The following HS3ST5 variants were observed in gnomAD, a reference collection of about 807,000 sequenced individuals.
HS3ST5 encodes the protein heparan sulfate-glucosamine 3-sulfotransferase 5.
HS3ST5 carries 10 observed loss-of-function variants against 25.4 expected under a neutral mutation model. The observed-to-expected ratio is 0.39, with a 90% CI of 0.24 to 0.67. The LOEUF (loss-of-function observed/expected upper bound fraction) is 0.67, where lower values mean the gene tolerates loss of function less well. Among genes scored for constraint, HS3ST5 ranks in the 30% least tolerant of loss-of-function variants. The pLI, the probability that HS3ST5 is intolerant of heterozygous loss-of-function variation, is 0.44. For missense variants in HS3ST5, 324 were observed against 420.7 expected, an observed-to-expected ratio of 0.77 and a Z score of 2.01; for synonymous variants, 170 against 162.4, an observed-to-expected ratio of 1.05 and a Z score of -0.36.
rs560396137 is a variant in HS3ST5 at position 114,188,784 on chromosome 6, G to C, written c.-144-20322C>G. On this transcript the variant is annotated intron_variant, in intron 2 of 4. Coordinates refer to ENST00000312719, the MANE Select transcript of HS3ST5 (RefSeq NM_153612.4). The stretch of plus-strand genomic sequence containing the variant: ...TCATCCTATTCTCTCAGTATAATTG[G>C]GTCAGTAGTGATTATTATAACTATT... 1.2e-3 allele frequency among the ~76,000 whole-genome samples: 175 copies of C among 152,074 alleles called. 1 individual carries two copies. The highest frequency in any genetic ancestry group is 0.01 in the Middle Eastern group (3 of 294).
intron 1 of HS3ST5, among the ~76,000 whole-genome samples, chr6:114,322,848 G>A (rs905771514): frequency 6.6e-6 from 1 of 152,096 alleles, no homozygotes; most frequent in South Asian, 2.1e-4. Flanking sequence ...ATCTCCACCC[G>A]GGGGTAGGAA....
Position 114,058,062 on chromosome 6 carries a change from T to C in HS3ST5, c.236A>G (p.Glu79Gly), listed in dbSNP as rs370563140. 16 of 1,614,172 alleles carry C rather than the reference T, an allele frequency of 9.9e-6. No homozygotes were observed. In the East Asian group the frequency reaches 3.1e-4, roughly 31 times the overall value. ...HEFRKGNASK[E>G]QVRLHDLVQQ... ...GACCAGGTCATGGAGGCGAACCTGC[T>C]CCTTGGAAGCGTTGCCCTTCCGGAA... The change falls in exon 5 of 5, where the codon GAG becomes GGG. Residue 79 changes from glutamate to glycine, a missense_variant. Physicochemically the swap from Glu to Gly is moderately conservative, Grantham distance 98. Transcript: ENST00000312719.
chr6:114,211,597 T>C (rs1425722286), intron 2 of HS3ST5, among the ~76,000 whole-genome samples: 1 of 152,262 alleles, frequency 6.6e-6, no homozygotes, highest in Admixed American at 6.5e-5. Flanking sequence ...AATTATGCCA[T>C]ATTCTATTAA....
At chr6:114,236,351 T>A (rs943111860) in intron 1 of HS3ST5, among the ~76,000 whole-genome samples, 1 of 152,226 alleles carries the variant, frequency 6.6e-6, no homozygotes, top group Non-Finnish European at 1.5e-5. Context: ...TATATCGTTA[T>A]TGAATAATTG....
intron 3 of HS3ST5, chr6:114,084,495 G>A (rs1013294147): frequency 5.3e-6 from 4 of 758,344 alleles, no homozygotes; most frequent in Non-Finnish European, 9.7e-6. Flanking sequence ...GGGAAATGGT[G>A]CCACGCATGC....
At chr6:114,117,116 A>C (rs1776569167) in intron 3 of HS3ST5, among the ~76,000 whole-genome samples, 1 of 152,142 alleles carries the variant, frequency 6.6e-6, no homozygotes, top group South Asian at 2.1e-4. Flanking sequence ...GGTGGAAAAT[A>C]ACTAATTAAT....
At chr6:114,085,513 G>A (rs1774747604) in intron 3 of HS3ST5, among the ~76,000 whole-genome samples, 1 of 152,122 alleles carries the variant, frequency 6.6e-6, no homozygotes, top group African/African-American at 2.4e-5. Flanking sequence ...TCTTACATTG[G>A]CAGTATAGCT....
intron 2 of HS3ST5, among the ~76,000 whole-genome samples, chr6:114,183,672 A>T (rs1171701560): frequency 6.6e-6 from 1 of 152,234 alleles, no homozygotes; most frequent in African/African-American, 2.4e-5. Context: ...AAGTAGAGGT[A>T]GGAAGAATTC....
intron 1 of HS3ST5, among the ~76,000 whole-genome samples, chr6:114,328,099 T>A (rs1776243324): frequency 1.3e-5 from 2 of 152,160 alleles, no homozygotes; most frequent in Admixed American, 1.3e-4. Context: ...TGCAATCAAT[T>A]GTAAAATTTA....
At chr6:114,278,916 G>T (rs573710710) in intron 1 of HS3ST5, among the ~76,000 whole-genome samples, 2 of 152,106 alleles carry the variant, frequency 1.3e-5, no homozygotes, top group South Asian at 2.1e-4. Flanking sequence ...CTCAGGAAAA[G>T]CTCCCAAGCT....
chr6:114,295,976 T>C (rs1022481193), intron 1 of HS3ST5, among the ~76,000 whole-genome samples: 5 of 152,176 alleles, frequency 3.3e-5, no homozygotes, highest in Non-Finnish European at 5.9e-5. Flanking sequence ...GAATCTATGC[T>C]TCAAGTAGCT....
chr6:114,235,371 T>A (rs1238605730), intron 1 of HS3ST5, among the ~76,000 whole-genome samples: 1 of 151,150 alleles, frequency 6.6e-6, no homozygotes, highest in African/African-American at 2.4e-5. Flanking sequence ...TAATATTGTA[T>A]GATAAGAACT....
chr6:114,328,217 G>GGAAGGAAA (rs1267134864), intron 1 of HS3ST5, among the ~76,000 whole-genome samples: 2 of 150,174 alleles, frequency 1.3e-5, no homozygotes, highest in East Asian at 2.1e-4. Context: ...AGTGAAAAAA[G>GGAAGGAAA]GAAGGAAAGA....
chr6:114,288,214 A>G (rs1774421544), intron 1 of HS3ST5, among the ~76,000 whole-genome samples: 1 of 152,126 alleles, frequency 6.6e-6, no homozygotes, highest in East Asian at 1.9e-4. Flanking sequence ...TTGATAGAGT[A>G]ATCTTTTCCT....
intron 2 of HS3ST5, among the ~76,000 whole-genome samples, chr6:114,169,888 T>C (rs757546868): frequency 2.0e-5 from 3 of 152,088 alleles, no homozygotes; most frequent in African/African-American, 4.8e-5. Flanking sequence ...GAACAAAACA[T>C]GCAAACTTGC....
chr6:114,127,802 C>T (rs916859873), intron 3 of HS3ST5, among the ~76,000 whole-genome samples: 5 of 151,180 alleles, frequency 3.3e-5, no homozygotes, highest in Non-Finnish European at 5.9e-5. Context: ...ATCTTGAATA[C>T]ATTATGCTAA....
chr6:114,105,648 T>C (rs1775954339), intron 3 of HS3ST5, among the ~76,000 whole-genome samples: 1 of 152,174 alleles, frequency 6.6e-6, no homozygotes, highest in South Asian at 2.1e-4. Flanking sequence ...GGACTTCTTA[T>C]TCTTGTGGTC....
chr6:114,326,856 A>G (rs1447522165), intron 1 of HS3ST5, among the ~76,000 whole-genome samples: 1 of 152,200 alleles, frequency 6.6e-6, no homozygotes, highest in Non-Finnish European at 1.5e-5. Context: ...TCTAAAGCAC[A>G]AAATAAAAAT....
intron 2 of HS3ST5, among the ~76,000 whole-genome samples, chr6:114,194,635 A>G (rs1247169366): frequency 6.6e-6 from 1 of 152,170 alleles, no homozygotes; most frequent in Non-Finnish European, 1.5e-5. Flanking sequence ...GAGGATACAC[A>G]GTGAGGGTTT....
Sources: allele counts gnomAD v4.1 joint callset (sites outside exome capture counted in the v4.1 genomes callset), GRCh38; gene constraint gnomAD v4.1.1; transcripts MANE v1.5; gene names NCBI Gene and HGNC (gene_info 2026-07-23, HGNC 2026-07-21).